The following MCTP1 variants were observed in gnomAD, a reference collection of about 807,000 sequenced individuals.
MCTP1 encodes the protein multiple C2 and transmembrane domain-containing protein 1.
A neutral mutation model predicts 120.6 loss-of-function variants in MCTP1; 69 were observed. That is an observed-to-expected ratio of 0.57 (90% CI 0.47 to 0.70). The LOEUF is 0.70. Among genes scored for constraint, MCTP1 ranks in the 30% least tolerant of loss-of-function variants. The probability of loss-of-function intolerance (pLI) is 0.00; values close to 1 mark genes in which losing one functional copy is unlikely to be tolerated. For synonymous variants in MCTP1, 529 were observed against 493.1 expected, an observed-to-expected ratio of 1.07 and a Z score of -0.96; for missense variants, 1,203 against 1,248.8, an observed-to-expected ratio of 0.96 and a Z score of 0.55.
intron 19 of MCTP1, among the ~76,000 whole-genome samples, chr5:94,754,213 A>G (rs1437147692): frequency 2.0e-5 from 3 of 152,218 alleles, no homozygotes; most frequent in Admixed American, 2.0e-4. Flanking sequence ...CCTCACAGGT[A>G]AATACAAATT....
At chr5:95,146,014 G>T (rs1293240351) in intron 1 of MCTP1, among the ~76,000 whole-genome samples, 1 of 151,886 alleles carries the variant, frequency 6.6e-6, no homozygotes, top group Non-Finnish European at 1.5e-5. Context: ...AATCCATCTG[G>T]TCCATGGCTT....
At chr5:94,903,489 A>C (rs1374124739) in intron 10 of MCTP1, among the ~76,000 whole-genome samples, 1 of 152,238 alleles carries the variant, frequency 6.6e-6, no homozygotes, top group Non-Finnish European at 1.5e-5. Context: ...TCTTCTCTTC[A>C]GCATTAGAGA....
At chr5:95,140,820 C>A (rs927072920) in intron 1 of MCTP1, among the ~76,000 whole-genome samples, 11 of 126,562 alleles carry the variant, frequency 8.7e-5, no homozygotes, top group Admixed American at 7.4e-4. Context: ...GCGGAGCTTG[C>A]AGTGAGCAGA....
intron 1 of MCTP1, among the ~76,000 whole-genome samples, chr5:95,120,427 A>C (rs947123910): frequency 1.2e-4 from 19 of 152,142 alleles, no homozygotes; most frequent in African/African-American, 4.3e-4. Context: ...TTGATCCAAA[A>C]ATTCTCAACA....
intron 6 of MCTP1, among the ~76,000 whole-genome samples, chr5:94,926,575 G>A (rs1021731813): frequency 1.3e-5 from 2 of 151,988 alleles, no homozygotes; most frequent in African/African-American, 2.4e-5. Context: ...ATTATAAATC[G>A]TTTCACTGTA....
chr5:94,778,409 C>G (rs905606568), intron 19 of MCTP1, among the ~76,000 whole-genome samples: 8 of 152,012 alleles, frequency 5.3e-5, no homozygotes, highest in Non-Finnish European at 1.0e-4. Flanking sequence ...TAGTTCCAAC[C>G]CCAGCCACTG....
In MCTP1 at chr5:95,082,795, C is replaced by T. The variant is rs952863533; in HGVS notation, c.721-65311G>A. Among the ~76,000 whole-genome samples the T allele has an allele frequency of 2.0e-5, 3 of 152,220 alleles. No individual in the cohort carries two copies. The East Asian group carries it at 5.8e-4, about 29-fold the overall frequency. On this transcript the variant is annotated intron_variant, in intron 1 of 22. Transcript: ENST00000515393. ...GCTATATGCAAGTGTTCAATAGCCACACATGGCTAGTGGCTACCATATTGA... is the reference window on the plus strand; with the variant it reads ...GCTATATGCAAGTGTTCAATAGCCATACATGGCTAGTGGCTACCATATTGA...
intron 19 of MCTP1, among the ~76,000 whole-genome samples, chr5:94,766,849 T>C (rs994749722): frequency 2.0e-5 from 3 of 152,174 alleles, no homozygotes; most frequent in Non-Finnish European, 2.9e-5. Context: ...TGATTAATTA[T>C]GGCAATTTAT....
intron 2 of MCTP1, among the ~76,000 whole-genome samples, chr5:94,991,103 G>A (rs746210341): frequency 6.6e-6 from 1 of 152,152 alleles, no homozygotes; most frequent in African/African-American, 2.4e-5. Context: ...TTGTACCATT[G>A]AGCAATGGTA....
At position 95,074,087 on chromosome 5, in the gene MCTP1, G is replaced by A. The variant is rs187481984; in HGVS notation, c.721-56603C>T. On this transcript the variant is annotated intron_variant, in intron 1 of 22. Transcript: ENST00000515393. The stretch of plus-strand genomic sequence containing the variant: ...GCAGAGATGGTGCCACTGCACTCCA[G>A]CCTGGGCGACAGAGTGAGACTCCGT... 5.9e-4 allele frequency among the ~76,000 whole-genome samples: 90 copies of A among 152,298 alleles called. 2 individuals are homozygous for A. Among genetic ancestry groups the A allele is most frequent in the Admixed American group, 5.7e-3 (88 of 15,306 alleles).
intron 2 of MCTP1, among the ~76,000 whole-genome samples, chr5:94,976,311 T>C (rs181780538): frequency 6.6e-6 from 1 of 152,042 alleles, no homozygotes; most frequent in Non-Finnish European, 1.5e-5. Flanking sequence ...ATTATCCAGG[T>C]GTAGTGGCGG....
intron 16 of MCTP1, among the ~76,000 whole-genome samples, chr5:94,869,716 T>A (rs1481940443): frequency 1.3e-5 from 2 of 152,104 alleles, no homozygotes; most frequent in Non-Finnish European, 2.9e-5. Context: ...TTTAGTTTAG[T>A]TCTGTGAATC....
intron 17 of MCTP1, among the ~76,000 whole-genome samples, chr5:94,805,808 G>A: frequency 6.7e-6 from 1 of 148,776 alleles, no homozygotes; most frequent in Non-Finnish European, 1.5e-5. Context: ...GCAAGTCTGA[G>A]TGGCAGAGCC....
intron 17 of MCTP1, among the ~76,000 whole-genome samples, chr5:94,856,404 T>TA (rs1019836458): frequency 4.6e-5 from 7 of 151,588 alleles, no homozygotes; most frequent in East Asian, 3.9e-4. Context: ...ACAAACACAA[T>TA]AAAAAAAATC....
intron 1 of MCTP1, among the ~76,000 whole-genome samples, chr5:95,162,450 A>G (rs331574): frequency 0.3 from 46,305 of 152,104 alleles, 7,401 homozygotes; most frequent in East Asian, 0.57. Flanking sequence ...AAAGTCATGT[A>G]ACTTCCTCTT....
chr5:95,113,215 T>G (rs1476576234), intron 1 of MCTP1, among the ~76,000 whole-genome samples: 1 of 151,714 alleles, frequency 6.6e-6, no homozygotes, highest in African/African-American at 2.4e-5. Context: ...TAGGAGGGGA[T>G]GAAGCAAGAC....
chr5:95,166,280 C>T (rs989719032), intron 1 of MCTP1: 3 of 152,116 alleles, frequency 2.0e-5, no homozygotes, highest in East Asian at 1.9e-4. Flanking sequence ...TTTCTTCTAT[C>T]CTAAAAGCTT....
intron 18 of MCTP1, among the ~76,000 whole-genome samples, chr5:94,798,058 A>G (rs1780445112): frequency 6.6e-6 from 1 of 151,660 alleles, no homozygotes; most frequent in South Asian, 2.1e-4. Flanking sequence ...TTTGTGATCT[A>G]TTATAATCTA....
intron 11 of MCTP1, among the ~76,000 whole-genome samples, chr5:94,893,688 A>G (rs867855239): frequency 2.0e-5 from 3 of 152,226 alleles, no homozygotes; most frequent in African/African-American, 7.2e-5. Context: ...TTATCTGCAC[A>G]GACTGATAAG....
Sources: allele counts gnomAD v4.1 joint callset (sites outside exome capture counted in the v4.1 genomes callset), GRCh38; gene constraint gnomAD v4.1.1; transcripts MANE v1.5; gene names NCBI Gene and HGNC (gene_info 2026-07-23, HGNC 2026-07-21).